SND1: variants seen among roughly 807,000 people sequenced by gnomAD.
SND1 encodes the protein staphylococcal nuclease and tudor domain containing 1, also known as staphylococcal nuclease domain-containing protein 1.
Under a neutral mutation model 121.7 loss-of-function variants are expected in SND1, and 38 were observed. The observed-to-expected ratio is 0.31, with a 90% CI of 0.24 to 0.41. SND1 has a LOEUF of 0.41. SND1 is among the 10% of genes least tolerant of loss of function. The pLI, the probability that SND1 is intolerant of heterozygous loss-of-function variation, is 1.00. For missense variants in SND1, 868 were observed against 1,184.6 expected, an observed-to-expected ratio of 0.73 and a Z score of 3.92; for synonymous variants, 401 against 447.4, an observed-to-expected ratio of 0.90 and a Z score of 1.31.
At chr7:127,928,888 G>T (rs1438190892) in intron 14 of SND1, among the ~76,000 whole-genome samples, 1 of 152,180 alleles carries the variant, frequency 6.6e-6, no homozygotes, top group Non-Finnish European at 1.5e-5. Flanking sequence ...ACTGCGCCTG[G>T]CACCTCAATT....
At chr7:127,918,055 C>CT (rs11375840) in intron 14 of SND1, among the ~76,000 whole-genome samples, 139,788 of 142,458 alleles carry the variant, frequency 0.98, 68,569 homozygotes, top group South Asian at 0.99. Flanking sequence ...TAGATTTTTT[C>CT]TTTTTTTTTT....
chr7:128,028,308 A>G (rs1803538087), intron 16 of SND1: 1 of 178,100 alleles, frequency 5.6e-6, no homozygotes, highest in African/African-American at 2.4e-5. Flanking sequence ...GATTCAGTCT[A>G]TCCCTCTTGC....
At chr7:127,897,378 A>T (rs1221023319) in intron 13 of SND1, among the ~76,000 whole-genome samples, 4 of 152,138 alleles carry the variant, frequency 2.6e-5, no homozygotes, top group African/African-American at 9.7e-5. Context: ...TCTGTAACTG[A>T]TGTGTTTGTG....
At chr7:127,804,631 T>A (rs1401553153) in intron 10 of SND1, among the ~76,000 whole-genome samples, 1 of 151,994 alleles carries the variant, frequency 6.6e-6, no homozygotes, top group Non-Finnish European at 1.5e-5. Context: ...GGGAGACAGA[T>A]GTAGCGGTGC....
chr7:128,019,065 A>G (rs918325565), intron 16 of SND1, among the ~76,000 whole-genome samples: 6 of 151,514 alleles, frequency 4.0e-5, no homozygotes, highest in Non-Finnish European at 8.8e-5. Flanking sequence ...CTTAACCCAC[A>G]CTCCAAACTC....
intron 1 of SND1, among the ~76,000 whole-genome samples, chr7:127,669,010 T>G (rs567543879): frequency 6.6e-6 from 1 of 152,278 alleles, no homozygotes; most frequent in Non-Finnish European, 1.5e-5. Context: ...CTTTTTTTTT[T>G]GAGACGGAGT....
chr7:127,908,420 G>C (rs1800391929), intron 14 of SND1, among the ~76,000 whole-genome samples: 1 of 150,868 alleles, frequency 6.6e-6, no homozygotes, highest in Non-Finnish European at 1.5e-5. Flanking sequence ...ACTAAAGGAA[G>C]AAAATTACAT....
chr7:127,839,279 AGGT>A (rs1252745001), intron 11 of SND1, among the ~76,000 whole-genome samples: 1 of 152,100 alleles, frequency 6.6e-6, no homozygotes, highest in Non-Finnish European at 1.5e-5. Flanking sequence ...TTGAGAGACA[AGGT>A]GTTTATTTAG....
At chr7:127,947,580 G>A (rs1360129262) in intron 15 of SND1, among the ~76,000 whole-genome samples, 5 of 152,046 alleles carry the variant, frequency 3.3e-5, no homozygotes, top group Admixed American at 1.3e-4. Context: ...TCAAGGTGGC[G>A]CTTCCCAAGA....
chr7:127,941,902 T>G (rs553361013), intron 15 of SND1, among the ~76,000 whole-genome samples: 8 of 145,872 alleles, frequency 5.5e-5, no homozygotes, highest in South Asian at 4.5e-4. Context: ...TTTTTTTTTT[T>G]TTTTTTTTTT....
intron 16 of SND1, among the ~76,000 whole-genome samples, chr7:128,037,609 A>C (rs1792773330): frequency 6.6e-6 from 1 of 152,194 alleles, no homozygotes; most frequent in South Asian, 2.1e-4. Context: ...TGTGCCATTT[A>C]ACATGAAGGG....
intron 11 of SND1, among the ~76,000 whole-genome samples, chr7:127,823,992 T>C (rs774918817): frequency 2.6e-5 from 4 of 152,208 alleles, no homozygotes; most frequent in Non-Finnish European, 4.4e-5. Flanking sequence ...ACTTAAGCAA[T>C]GAAGGATTTG....
chr7:127,904,800 G>A lies in SND1; in HGVS notation c.1508G>A (p.Arg503His), dbSNP rs192914914. 3.0e-5 allele frequency: 48 copies of A among 1,609,780 alleles called. No individual in the cohort carries two copies. The highest frequency in any genetic ancestry group is 1.5e-4 in the Admixed American group (9 of 59,992). ...AGCAAGAAGGAAGTGCCTATCCACC[G>A]TGTTGCAGATATATCTGGGGTGAGT... is the stretch of plus-strand genomic sequence containing the variant. ...LHSKKEVPIHRVADISGDTQK... is the reference protein window; with the variant it reads ...LHSKKEVPIHHVADISGDTQK... Residue 503 changes from arginine (R) to histidine (H), a missense_variant, in exon 14 of 24, where the codon CGT becomes CAT. Physicochemically the swap from Arg to His is conservative, Grantham distance 29. Transcript: ENST00000354725.
At chr7:127,915,096 C>T (rs955428600) in intron 14 of SND1, among the ~76,000 whole-genome samples, 8 of 152,150 alleles carry the variant, frequency 5.3e-5, no homozygotes, top group Non-Finnish European at 7.4e-5. Flanking sequence ...CAGCTCACTG[C>T]AACCTCTGCC....
At chr7:127,942,963 T>C (rs113995096) in intron 15 of SND1, among the ~76,000 whole-genome samples, 1 of 152,182 alleles carries the variant, frequency 6.6e-6, no homozygotes, top group Non-Finnish European at 1.5e-5. Context: ...GTAATAGCAT[T>C]CTGAGCCTCT....
chr7:128,029,753 A>C lies in SND1; in HGVS notation c.1779+38697A>C. On this transcript the variant is annotated intron_variant, in intron 16 of 23. Coordinates refer to ENST00000354725, the MANE Select transcript of SND1 (RefSeq NM_014390.4). The surrounding 1 kb of genome is among the most constrained non-coding windows in gnomAD (Gnocchi z 4.2). ...CACAGTTCCAAGGGTTGTGGTGTAG[A>C]TGCAACTCCACCAGGTACCTCAGCG... is the stretch of plus-strand genomic sequence containing the variant. 1 of 1,614,068 alleles carries C rather than the reference A, an allele frequency of 6.2e-7. No homozygotes were observed. Among genetic ancestry groups the C allele is most frequent in the Non-Finnish European group, 8.5e-7 (1 of 1,180,044 alleles).
rs1378237854 is a variant in SND1, at chr7:128,050,461, C to T, written c.1780-24041C>T. 3.3e-5 allele frequency among the ~76,000 whole-genome samples: 5 copies of T among 152,220 alleles called. No homozygotes were observed. In the East Asian group the frequency reaches 7.7e-4, roughly 23 times the overall value. ...GCCTCTGCAAGTTTAGCTTCACTGA[C>T]GTGAGCAGTTCAGTTACTGCACTGT... On this transcript the variant is annotated intron_variant, in intron 16 of 23. Transcript: ENST00000354725.
chr7:127,893,688 C>A (rs927264068), intron 13 of SND1, among the ~76,000 whole-genome samples: 2 of 152,070 alleles, frequency 1.3e-5, no homozygotes, highest in Non-Finnish European at 2.9e-5. Context: ...GAGAAAAGGG[C>A]AGGCTCTCTC....
chr7:127,851,662 G>A (rs1799166670), intron 12 of SND1, among the ~76,000 whole-genome samples: 1 of 151,944 alleles, frequency 6.6e-6, no homozygotes, highest in African/African-American at 2.4e-5. Flanking sequence ...TGAATATATT[G>A]GTAATTCTAA....
Sources: gnomAD v4.1 joint callset for allele counts (sites outside exome capture counted in the v4.1 genomes callset) on GRCh38, gnomAD v4.1.1 for gene constraint, Gnocchi (gnomAD v3.1) non-coding constraint, MANE v1.5 for transcripts, NCBI Gene and HGNC (gene_info 2026-07-23, HGNC 2026-07-21) for gene names.